The following MYO6 variants were observed in gnomAD, a reference collection of about 807,000 sequenced individuals.
MYO6 encodes the protein unconventional myosin-VI.
MYO6 carries 74 observed loss-of-function variants against 178.7 expected under a neutral mutation model. That is an observed-to-expected ratio of 0.41 (90% CI 0.34 to 0.50). The LOEUF (loss-of-function observed/expected upper bound fraction) is 0.50. MYO6 is among the 20% of genes least tolerant of loss of function. The pLI is 0.09. For synonymous variants in MYO6, 477 were observed against 504.6 expected (o/e 0.95, Z 0.73); for missense variants, 1,330 against 1,547.4 (o/e 0.86, Z 2.36).
At position 75,862,951 on chromosome 6, in the gene MYO6, A is replaced by G. The variant is rs11758543; in HGVS notation, c.1674+228A>G. Among the ~76,000 whole-genome samples, 34,589 of 152,060 alleles carry G rather than the reference A, an allele frequency of 0.23. 5,132 individuals are homozygous for G. The highest frequency in any genetic ancestry group is 0.38 in the Middle Eastern group (112 of 292). On this transcript the variant is annotated intron_variant, in intron 16 of 34. Coordinates refer to ENST00000369977, the MANE Select transcript of MYO6 (RefSeq NM_004999.4). ...ATGAAAAGTACATTTCACCTGTCTA[A>G]TACGTACAATGTGCCTGTAGTCTGA...
rs1263753144 is a variant in MYO6, at chr6:75,857,158, A to G, written c.1285A>G (p.Ser429Gly). 14 of 1,614,114 alleles carry G rather than the reference A, an allele frequency of 8.7e-6. No individual in the cohort carries two copies. Among genetic ancestry groups the G allele is most frequent in the African/African-American group, 1.3e-5 (1 of 75,078 alleles). ...ARDALAKTVY[S>G]HLFDHVVNRV... ...TGATGCCCTGGCAAAGACAGTGTAT[A>G]GCCATCTTTTTGATCATGTGGTAAA... Residue 429 changes from serine to glycine, a missense_variant, in exon 13 of 35, where the codon AGC becomes GGC. By Grantham distance (56) the Ser-to-Gly change is moderately conservative. Around this residue, in one of 3 missense-constraint regions of MYO6, gnomAD observed 613 missense variants for 816.8 expected, o/e 0.75. Coordinates refer to ENST00000369977, the MANE Select transcript of MYO6 (RefSeq NM_004999.4).
chr6:75,788,477 T>TC (rs1336996683), intron 1 of MYO6, among the ~76,000 whole-genome samples: 1 of 152,148 alleles, frequency 6.6e-6, no homozygotes, highest in Non-Finnish European at 1.5e-5. Flanking sequence ...TCCCACTGTG[T>TC]CCCCCACACA....
At chr6:75,813,618 CCACCA>C (rs1770916429) in intron 1 of MYO6, among the ~76,000 whole-genome samples, 1 of 152,180 alleles carries the variant, frequency 6.6e-6, no homozygotes, top group South Asian at 2.1e-4. Context: ...CTCCCCATGG[CCACCA>C]CAGCTGGGAA....
chr6:75,817,597 A>G lies in MYO6; in HGVS notation c.50A>G (p.Gln17Arg), dbSNP rs780016440. ...VWAPHPTDGF[Q>R]MGNIVDIGPD... is the part of the protein sequence containing the mutation. The stretch of plus-strand genomic sequence containing the variant: ...GCGCCACACCCTACAGATGGATTTC[A>G]GATGGGCAATATTGTGGATATTGGC... Residue 17 changes from glutamine to arginine, a missense_variant, in exon 2 of 35, where the codon CAG becomes CGG. By Grantham distance (43) the Gln-to-Arg change is conservative. Coordinates refer to ENST00000369977, the MANE Select transcript of MYO6 (RefSeq NM_004999.4). The G allele has an allele frequency of 5.6e-6, 9 of 1,614,126 alleles. No individual in the cohort carries two copies. The highest frequency in any genetic ancestry group is 5.9e-6 in the Non-Finnish European group (7 of 1,180,040).
In MYO6 at chr6:75,917,801, A is replaced by G. The variant is rs1041719178; in HGVS notation, c.*2789A>G. ...ATAATGGTATTGTTTGTAGAGCTTT[A>G]TTAATTGGATATTTTTTAAAAGACA... On this transcript the variant is annotated 3_prime_UTR_variant, in exon 35 of 35. Transcript: ENST00000369977. 1.2e-4 allele frequency: 18 copies of G among 152,780 alleles called. No homozygotes were observed. The highest frequency in any genetic ancestry group is 4.3e-4 in the African/African-American group (18 of 41,588). 9.5% of individuals were successfully genotyped at this position (152,780 alleles called of 1,614,324 possible). A position where few individuals can be genotyped will look rare whatever the true frequency, so the allele number is the denominator to read the frequency against.
At chr6:75,894,859 G>C in intron 28 of MYO6, 1 of 1,433,846 alleles carries the variant, frequency 7.0e-7, no homozygotes, top group Non-Finnish European at 9.5e-7. Context: ...TGTTTTCTAT[G>C]TATGTCATAT....
intron 16 of MYO6, among the ~76,000 whole-genome samples, chr6:75,862,975 G>A (rs1488750564): frequency 6.6e-6 from 1 of 152,156 alleles, no homozygotes; most frequent in African/African-American, 2.4e-5. Context: ...CCTGTAGTCT[G>A]AGATACTAGG....
At chr6:75,906,207 T>C (rs1020330874) in intron 30 of MYO6, among the ~76,000 whole-genome samples, 12 of 146,944 alleles carry the variant, frequency 8.2e-5, no homozygotes, top group African/African-American at 3.0e-4. Context: ...CTTCTTTTCA[T>C]GTCTTGAAAT....
intron 32 of MYO6, 79 bp from the exon 33 acceptor site, chr6:75,911,593 G>T (rs1430228838): frequency 1.4e-5 from 18 of 1,256,170 alleles, no homozygotes; most frequent in Non-Finnish European, 2.1e-5. Flanking sequence ...CGATTGGAAG[G>T]CTTTATAAAT....
chr6:75,858,654 A>G (rs1467551922), intron 13 of MYO6, among the ~76,000 whole-genome samples: 1 of 152,188 alleles, frequency 6.6e-6, no homozygotes, highest in Non-Finnish European at 1.5e-5. Flanking sequence ...ATCTTTTAGT[A>G]TACAACATTT....
chr6:75,873,410 A>G (rs1583328282), intron 20 of MYO6, 110 bp downstream of exon 20: 3 of 905,858 alleles, frequency 3.3e-6, no homozygotes, highest in Non-Finnish European at 5.3e-6. Context: ...TTTACAGTGC[A>G]ATAAAATTTT....
chr6:75,803,019 C>A (rs111476498), intron 1 of MYO6, among the ~76,000 whole-genome samples: 1 of 152,032 alleles, frequency 6.6e-6, no homozygotes, highest in South Asian at 2.1e-4. Flanking sequence ...TACTTTTTGT[C>A]CATATTATTG....
intron 20 of MYO6, among the ~76,000 whole-genome samples, chr6:75,876,816 G>A (rs1777603479): frequency 6.6e-6 from 1 of 152,072 alleles, no homozygotes; most frequent in South Asian, 2.1e-4. Flanking sequence ...TTCCAGTCAT[G>A]TAGCTAGGTG....
At chr6:75,893,716 G>A (rs759455474) in intron 28 of MYO6, among the ~76,000 whole-genome samples, 7 of 152,196 alleles carry the variant, frequency 4.6e-5, no homozygotes, top group Non-Finnish European at 8.8e-5. Flanking sequence ...GTATTGGGGA[G>A]CTCTGGGACT....
rs2149440475 is a variant in MYO6, at chr6:75,917,812, A to AT, written c.*2806dup. 6.5e-6 allele frequency: 1 copy of AT among 152,698 alleles called. No homozygotes were observed. Among genetic ancestry groups the AT allele is most frequent in the Non-Finnish European group, 1.5e-5 (1 of 68,030 alleles). 9.5% of individuals were successfully genotyped at this position (152,698 alleles called of 1,614,324 possible). A position where few individuals can be genotyped will look rare whatever the true frequency, so the allele number is the denominator to read the frequency against. On this transcript the variant is annotated 3_prime_UTR_variant, in exon 35 of 35. Coordinates refer to ENST00000369977, the MANE Select transcript of MYO6 (RefSeq NM_004999.4). ...GTTTGTAGAGCTTTATTAATTGGAT[A>AT]TTTTTTAAAAGACATTTTCATTCAC...
chr6:75,870,608 G>T, intron 18 of MYO6, 39 bp from the exon 19 acceptor site: 1 of 1,558,658 alleles, frequency 6.4e-7, no homozygotes, highest in Non-Finnish European at 8.8e-7. Flanking sequence ...GTGTACTTTG[G>T]CTTTTTGAAA....
At chr6:75,833,887 G>T (rs1466523379) in intron 6 of MYO6, among the ~76,000 whole-genome samples, 3 of 152,148 alleles carry the variant, frequency 2.0e-5, no homozygotes, top group Admixed American at 2.0e-4. Context: ...AGTTTGGAAT[G>T]GTGGGCTCTA....
At chr6:75,887,728 C>G (rs1011425726) in intron 25 of MYO6, among the ~76,000 whole-genome samples, 16 of 151,368 alleles carry the variant, frequency 1.1e-4, no homozygotes, top group African/African-American at 3.2e-4. Context: ...AATCCCAGCA[C>G]TTTGGGAGGC....
chr6:75,902,223 G>A lies in MYO6; in HGVS notation c.3176+3812G>A, dbSNP rs555910032. ...TGTCTCTGCTAGGCTTTGGTATCAG[G>A]ATAATGCTGGTCTCATAAAATGAGT... On this transcript the variant is annotated intron_variant, in intron 30 of 34. Transcript: ENST00000369977. Among the ~76,000 whole-genome samples, 21 of 152,300 alleles carry A rather than the reference G, an allele frequency of 1.4e-4. No individual in the cohort carries two copies. In the East Asian group the frequency reaches 3.7e-3, roughly 27 times the overall value.
Sources: allele counts gnomAD v4.1 joint callset (sites outside exome capture counted in the v4.1 genomes callset), GRCh38; gene constraint gnomAD v4.1.1; regional missense constraint gnomAD v4.1.1; transcripts MANE v1.5; gene names NCBI Gene and HGNC (gene_info 2026-07-23, HGNC 2026-07-21).